Variants in PEDS1 observed in about 807,000 individuals in gnomAD.
PEDS1 encodes the protein plasmanylethanolamine desaturase 1, also known as CarF homolog.
A neutral mutation model predicts 35.2 loss-of-function variants in PEDS1; 14 were observed. The ratio of observed to expected loss-of-function variants is 0.40; its 90% CI spans 0.26 to 0.62. PEDS1 has a LOEUF of 0.62. Among genes scored for constraint, PEDS1 ranks in the 20% least tolerant of loss-of-function variants. The pLI, the probability that PEDS1 is intolerant of heterozygous loss-of-function variation, is 0.44. For synonymous variants in PEDS1, 152 were observed against 152.0 expected, an observed-to-expected ratio of 1.00 and a Z score of 0.00; for missense variants, 260 against 367.8, an observed-to-expected ratio of 0.71 and a Z score of 2.40.
chr20:50,131,851 C>A (rs998371857), intron 2 of PEDS1, among the ~76,000 whole-genome samples: 2 of 152,200 alleles, frequency 1.3e-5, no homozygotes, highest in African/African-American at 4.8e-5. Flanking sequence ...CTGGCACTCA[C>A]TAGCTGTGAC....
At chr20:50,126,809 C>A (rs554688867) in intron 5 of PEDS1, among the ~76,000 whole-genome samples, 1 of 152,332 alleles carries the variant, frequency 6.6e-6, no homozygotes, top group Non-Finnish European at 1.5e-5. Flanking sequence ...GCACGTGGGC[C>A]TCCTTTCCCT....
At chr20:50,136,806 G>A (rs2081240353) in intron 2 of PEDS1, among the ~76,000 whole-genome samples, 1 of 151,902 alleles carries the variant, frequency 6.6e-6, no homozygotes, top group Admixed American at 6.6e-5. Context: ...GGAGGCCACG[G>A]TGGGAGGATT....
intron 5 of PEDS1, 99 bp from the exon 6 acceptor site, chr20:50,125,278 G>A: frequency 1.3e-6 from 2 of 1,482,638 alleles, no homozygotes; most frequent in Non-Finnish European, 9.2e-7. Flanking sequence ...GCCCAATGAG[G>A]AGTGAGTCAG....
intron 2 of PEDS1, among the ~76,000 whole-genome samples, chr20:50,139,440 A>G (rs2081269928): frequency 6.6e-6 from 1 of 150,904 alleles, no homozygotes. Flanking sequence ...GGCTGTTCCC[A>G]GTCGACCCCC....
rs560192381 is a variant in PEDS1 at position 50,133,062 on chromosome 20, T to G, written c.242-2115A>C. On this transcript the variant is annotated intron_variant, in intron 2 of 5. Coordinates refer to ENST00000371652, the MANE Select transcript of PEDS1 (RefSeq NM_199129.4). ...AAGATTCTGAGTTCTGCTGGTGCCCTCAACCCCTTGGTGACAGGGGACCAG... is the reference window on the plus strand; with the variant it reads ...AAGATTCTGAGTTCTGCTGGTGCCCGCAACCCCTTGGTGACAGGGGACCAG... Among the ~76,000 whole-genome samples, 10 of 152,268 alleles carry G rather than the reference T, an allele frequency of 6.6e-5. No homozygotes were observed. In the South Asian group the frequency reaches 2.1e-3, roughly 32 times the overall value.
In PEDS1 at chr20:50,129,810, C is replaced by T. The variant is rs188002478; in HGVS notation, c.334-120G>A. 2.5e-5 allele frequency: 37 copies of T among 1,469,238 alleles called. No homozygotes were observed. The East Asian group carries it at 7.9e-4, about 31-fold the overall frequency. 91.0% of individuals were successfully genotyped at this position (1,469,238 alleles called of 1,614,324 possible). On this transcript the variant is annotated intron_variant, in intron 3 of 5. Coordinates refer to ENST00000371652, the MANE Select transcript of PEDS1 (RefSeq NM_199129.4). The surrounding 1 kb of genome is among the most constrained non-coding windows in gnomAD (Gnocchi z 4.2). ...CGCCTTTGATCCTAAGTTTCCTCCACCCGGGATGCTTGAACATTCCCACCT... is the reference window on the plus strand; with the variant it reads ...CGCCTTTGATCCTAAGTTTCCTCCATCCGGGATGCTTGAACATTCCCACCT...
At chr20:50,126,613 T>C (rs1010108345) in intron 5 of PEDS1, among the ~76,000 whole-genome samples, 3 of 152,166 alleles carry the variant, frequency 2.0e-5, no homozygotes, top group Admixed American at 1.3e-4. Flanking sequence ...CCCTATTTTG[T>C]AAGGAGAAAA....
At chr20:50,138,378 A>G (rs2081257527) in intron 2 of PEDS1, among the ~76,000 whole-genome samples, 1 of 152,106 alleles carries the variant, frequency 6.6e-6, no homozygotes, top group African/African-American at 2.4e-5. Flanking sequence ...GGTTAGGGAG[A>G]CTTCGCACCC....
chr20:50,141,038 G>A (rs1003939380), intron 2 of PEDS1, among the ~76,000 whole-genome samples: 14 of 152,292 alleles, frequency 9.2e-5, no homozygotes, highest in African/African-American at 2.9e-4. Flanking sequence ...AAGGGAGATA[G>A]TGACCTACCT....
chr20:50,136,373 C>T (rs1251738039), intron 2 of PEDS1, among the ~76,000 whole-genome samples: 1 of 152,142 alleles, frequency 6.6e-6, no homozygotes, highest in Non-Finnish European at 1.5e-5. Flanking sequence ...GCATAACTTC[C>T]CATTCCTTAA....
At chr20:50,151,305 A>C (rs990786493) in intron 1 of PEDS1, 1 of 1,304,038 alleles carries the variant, frequency 7.7e-7, no homozygotes, top group African/African-American at 1.5e-5. Flanking sequence ...TTCTTCAGAG[A>C]GTGAAGGGCA....
rs1051438182 is a variant in PEDS1, at chr20:50,124,760, C to T, written c.*298G>A. The stretch of plus-strand genomic sequence containing the variant: ...GAAGGGCTGCCCAGCGGGGCAGGGA[C>T]GGCAGGCGTGCAGGGAGTGGGTAAA... On this transcript the variant is annotated 3_prime_UTR_variant, in exon 6 of 6. Coordinates refer to ENST00000371652, the MANE Select transcript of PEDS1 (RefSeq NM_199129.4). 1.1e-4 allele frequency: 34 copies of T among 308,046 alleles called. No homozygotes were observed. The highest frequency in any genetic ancestry group is 5.3e-4 in the African/African-American group (25 of 46,786). The allele number at this position is 308,046 out of a possible 1,614,324, so 19.1% of individuals were successfully genotyped here.
chr20:50,140,117 T>C (rs948201267), intron 2 of PEDS1, among the ~76,000 whole-genome samples: 1 of 152,196 alleles, frequency 6.6e-6, no homozygotes, highest in Non-Finnish European at 1.5e-5. Context: ...GAGAGAAACC[T>C]TGGAGTCAAG....
chr20:50,141,314 G>A (rs2081289446), intron 2 of PEDS1, among the ~76,000 whole-genome samples: 1 of 152,256 alleles, frequency 6.6e-6, no homozygotes, highest in Admixed American at 6.5e-5. Flanking sequence ...AGCACAAAGA[G>A]TGAAAAGTGC....
rs558704844 is a variant in PEDS1, at chr20:50,126,831, A to C, written c.691+1144T>G. ...GGCCTCCTTTCCCTTCCTCCACTGC[A>C]CTGGGCATGTTCCTGCCTCTGGCCT... On this transcript the variant is annotated intron_variant, in intron 5 of 5. Transcript: ENST00000371652. Among the ~76,000 whole-genome samples, 377 of 152,238 alleles carry C rather than the reference A, an allele frequency of 2.5e-3. 4 individuals carry two copies. Among genetic ancestry groups the C allele is most frequent in the Non-Finnish European group, 4.5e-3 (308 of 68,006 alleles).
At chr20:50,127,005 T>G (rs913242707) in intron 5 of PEDS1, among the ~76,000 whole-genome samples, 1 of 152,160 alleles carries the variant, frequency 6.6e-6, no homozygotes, top group Non-Finnish European at 1.5e-5. Flanking sequence ...TTGCTCTGCC[T>G]CAACTCCAGT....
intron 2 of PEDS1, among the ~76,000 whole-genome samples, chr20:50,136,335 T>C (rs2147284515): frequency 6.6e-6 from 1 of 152,292 alleles, no homozygotes; most frequent in African/African-American, 2.4e-5. Context: ...TGGGGCTTTG[T>C]GAAGTGTTAA....
intron 2 of PEDS1, among the ~76,000 whole-genome samples, chr20:50,142,611 G>C (rs895484938): frequency 7.2e-6 from 1 of 138,868 alleles, no homozygotes; most frequent in Non-Finnish European, 1.5e-5. Flanking sequence ...GCTAATTTTT[G>C]TATTTTTAGT....
intron 3 of PEDS1, among the ~76,000 whole-genome samples, chr20:50,130,133 G>A (rs1331606536): frequency 6.6e-6 from 1 of 152,188 alleles, no homozygotes; most frequent in South Asian, 2.1e-4. Context: ...AAGAACACGT[G>A]ACCAGGCCTG....
Sources: allele counts gnomAD v4.1 joint callset (sites outside exome capture counted in the v4.1 genomes callset), GRCh38; gene constraint gnomAD v4.1.1; non-coding constraint Gnocchi (gnomAD v3.1); transcripts MANE v1.5; gene names NCBI Gene and HGNC (gene_info 2026-07-23, HGNC 2026-07-21).